Variants in MCC observed in about 807,000 individuals in gnomAD.
MCC encodes colorectal mutant cancer protein.
Under a neutral mutation model 116.2 loss-of-function variants are expected in MCC, and 90 were observed. The observed-to-expected ratio is 0.77, with a 90% CI of 0.65 to 0.92. The LOEUF (loss-of-function observed/expected upper bound fraction) is 0.92. Among genes scored for constraint, MCC ranks in the 40% least tolerant of loss-of-function variants. The probability of loss-of-function intolerance (pLI) is 0.00; values close to 1 mark genes in which losing one functional copy is unlikely to be tolerated. For synonymous variants in MCC, 578 were observed against 510.5 expected, an observed-to-expected ratio of 1.13 and a Z score of -1.78; for missense variants, 1,516 against 1,312.2, an observed-to-expected ratio of 1.16 and a Z score of -2.40.
At chr5:113,433,993 C>T (rs766698338) in intron 1 of MCC, 1 of 1,613,904 alleles carries the variant, frequency 6.2e-7, no homozygotes, top group African/African-American at 1.3e-5. Flanking sequence ...TTGTTGATGG[C>T]CACAGAGGGA....
At chr5:113,226,857 C>G (rs147231928) in intron 3 of MCC, among the ~76,000 whole-genome samples, 1 of 152,136 alleles carries the variant, frequency 6.6e-6, no homozygotes, top group Non-Finnish European at 1.5e-5. Flanking sequence ...GGCCTGAGTT[C>G]AAACTCTGTT....
intron 1 of MCC, among the ~76,000 whole-genome samples, chr5:113,416,686 T>C (rs1029889239): frequency 7.2e-5 from 11 of 152,134 alleles, no homozygotes; most frequent in Non-Finnish European, 2.9e-5. Context: ...ATGAAGTGGC[T>C]AGAAAACAAA....
At chr5:113,462,012 A>G (rs1446901911) in intron 1 of MCC, among the ~76,000 whole-genome samples, 1 of 152,254 alleles carries the variant, frequency 6.6e-6, no homozygotes, top group African/African-American at 2.4e-5. Flanking sequence ...CTGGTAAAGT[A>G]AAAGGGTTTA....
chr5:113,441,009 AT>A (rs1328954892), intron 1 of MCC, among the ~76,000 whole-genome samples: 1 of 152,216 alleles, frequency 6.6e-6, no homozygotes, highest in Non-Finnish European at 1.5e-5. Context: ...AGGCAGATAA[AT>A]AAACAGAAAA....
chr5:113,431,270 T>G (rs769138893), intron 1 of MCC, among the ~76,000 whole-genome samples: 1 of 152,120 alleles, frequency 6.6e-6, no homozygotes, highest in Non-Finnish European at 1.5e-5. Flanking sequence ...AGGGCTGCTA[T>G]GACAAAGTAC....
intron 3 of MCC, among the ~76,000 whole-genome samples, chr5:113,221,292 C>T (rs1763544144): frequency 6.6e-6 from 1 of 152,238 alleles, no homozygotes; most frequent in South Asian, 2.1e-4. Flanking sequence ...AAAATTGTAA[C>T]TGAGACAGTG....
In MCC at chr5:113,122,755, C is replaced by T. The variant is rs371091745; in HGVS notation, c.956G>A (p.Arg319Gln). 2.5e-6 allele frequency: 4 copies of T among 1,614,024 alleles called. No homozygotes were observed. Among genetic ancestry groups the T allele is most frequent in the African/African-American group, 1.3e-5 (1 of 74,900 alleles). Reference protein sequence around the residue: ...QSQHEVNEDSRSMDQDQTSVS... With the variant: ...QSQHEVNEDSQSMDQDQTSVS... The stretch of plus-strand genomic sequence containing the variant: ...AGAGGTCTGGTCTTGGTCCATGCTT[C>T]GAGAGTCCTCGTTGACCTCGTGTTG... Residue 319 changes from arginine to glutamine, a missense_variant, in exon 6 of 19, where the codon CGA becomes CAA. Coordinates refer to ENST00000408903, the MANE Select transcript of MCC (RefSeq NM_001085377.2).
At chr5:113,291,573 T>C (rs1057454897) in intron 3 of MCC, among the ~76,000 whole-genome samples, 11 of 152,250 alleles carry the variant, frequency 7.2e-5, no homozygotes, top group African/African-American at 2.4e-4. Flanking sequence ...AAATGCCTAC[T>C]AAACATCAGG....
intron 3 of MCC, among the ~76,000 whole-genome samples, chr5:113,181,749 C>A (rs921057427): frequency 6.6e-6 from 1 of 152,202 alleles, no homozygotes; most frequent in African/African-American, 2.4e-5. Context: ...GAGTTCCCTT[C>A]TTCACATATA....
chr5:113,355,794 G>T (rs914802013), intron 2 of MCC, among the ~76,000 whole-genome samples: 10 of 151,916 alleles, frequency 6.6e-5, no homozygotes, highest in Non-Finnish European at 1.2e-4. Flanking sequence ...CCTTCCAAAG[G>T]CCCCATCTCC....
At chr5:113,456,623 AT>A (rs34111159) in intron 1 of MCC, among the ~76,000 whole-genome samples, 13,364 of 50,082 alleles carry the variant, frequency 0.27, 1,506 homozygotes, top group East Asian at 0.41. Flanking sequence ...TGCCCAGCTA[AT>A]TTTTTTTTTT....
intron 11 of MCC, among the ~76,000 whole-genome samples, chr5:113,073,787 C>A (rs139778560): frequency 6.6e-6 from 1 of 152,136 alleles, no homozygotes; most frequent in Admixed American, 6.5e-5. Flanking sequence ...ACTGCTAGCA[C>A]AGCAGTCTGA....
At chr5:113,083,698 A>G (rs1216281224) in intron 10 of MCC, among the ~76,000 whole-genome samples, 2 of 152,162 alleles carry the variant, frequency 1.3e-5, no homozygotes, top group Non-Finnish European at 2.9e-5. Context: ...GGCTTCAAAG[A>G]CAACATTCCT....
chr5:113,378,162 A>C (rs964854820), intron 2 of MCC, among the ~76,000 whole-genome samples: 1 of 152,224 alleles, frequency 6.6e-6, no homozygotes, highest in Non-Finnish European at 1.5e-5. Flanking sequence ...TGTTTCTTTA[A>C]ATCTGCCAAG....
intron 3 of MCC, among the ~76,000 whole-genome samples, chr5:113,337,751 T>C (rs982630466): frequency 6.6e-6 from 1 of 152,210 alleles, no homozygotes; most frequent in African/African-American, 2.4e-5. Context: ...CTTAATTTTA[T>C]TAGTTCAAGA....
intron 3 of MCC, among the ~76,000 whole-genome samples, chr5:113,163,584 T>A (rs1489311805): frequency 1.3e-5 from 2 of 152,062 alleles, no homozygotes; most frequent in Non-Finnish European, 2.9e-5. Flanking sequence ...AAATTATGAG[T>A]TCCAAGAAGG....
chr5:113,141,407 T>C (rs1387898661), intron 5 of MCC, among the ~76,000 whole-genome samples: 1 of 152,232 alleles, frequency 6.6e-6, no homozygotes, highest in Non-Finnish European at 1.5e-5. Context: ...TGAGCCAATC[T>C]TCCTAATAAA....
intron 3 of MCC, among the ~76,000 whole-genome samples, chr5:113,327,112 G>A (rs1420237524): frequency 1.3e-5 from 2 of 152,170 alleles, no homozygotes; most frequent in African/African-American, 4.8e-5. Flanking sequence ...TTGCTTGGGA[G>A]AGGGGTGTGA....
intron 2 of MCC, among the ~76,000 whole-genome samples, chr5:113,354,876 G>A (rs1768372273): frequency 6.6e-6 from 1 of 150,684 alleles, no homozygotes; most frequent in South Asian, 2.1e-4. Flanking sequence ...TGTGGCAATA[G>A]CACTTTGTTC....
Sources: gnomAD v4.1 joint callset for allele counts (sites outside exome capture counted in the v4.1 genomes callset) on GRCh38, gnomAD v4.1.1 for gene constraint, MANE v1.5 for transcripts, NCBI Gene and HGNC (gene_info 2026-07-23, HGNC 2026-07-21) for gene names.